Variants in TBC1D22A observed in about 807,000 individuals in gnomAD.
TBC1D22A encodes TBC1 domain family member 22A, also known as putative GTPase activator.
TBC1D22A carries 38 observed loss-of-function variants against 60.2 expected under a neutral mutation model. The ratio of observed to expected loss-of-function variants is 0.63; its 90% confidence interval spans 0.49 to 0.83. The LOEUF is 0.83. Ranked by LOEUF, TBC1D22A falls within the 40% of genes least tolerant of loss-of-function variation. TBC1D22A has a pLI of 0.00. For missense variants in TBC1D22A, 628 were observed against 701.0 expected (o/e 0.90, Z 1.18); for synonymous variants, 302 against 281.7 (o/e 1.07, Z -0.72).
rs115644976 is a variant in TBC1D22A, at chr22:47,158,094, C to A, written c.1426-15404C>A. Among the ~76,000 whole-genome samples, 537 of 152,348 alleles carry A rather than the reference C, an allele frequency of 3.5e-3. 3 individuals carry two copies. The highest frequency in any genetic ancestry group is 0.012 in the African/African-American group (510 of 41,592). ...GGGCGCGTCTCACCCAGCACCACGG[C>A]CTTCCAGGACGCCGCAGCTCCAGGA... On this transcript the variant is annotated intron_variant, in intron 12 of 12. Coordinates refer to ENST00000337137, the MANE Select transcript of TBC1D22A (RefSeq NM_014346.5).
intron 3 of TBC1D22A, among the ~76,000 whole-genome samples, chr22:46,796,540 G>A (rs372453297): frequency 6.6e-6 from 1 of 152,148 alleles, no homozygotes; most frequent in African/African-American, 2.4e-5. Context: ...TTTAGACCCA[G>A]GAGTTTGGAG....
At chr22:47,000,868 T>G (rs2061384308) in intron 10 of TBC1D22A, among the ~76,000 whole-genome samples, 1 of 151,888 alleles carries the variant, frequency 6.6e-6, no homozygotes, top group South Asian at 2.1e-4. Context: ...AATAAATGTC[T>G]TAAAAGCATT....
chr22:46,960,954 C>CAAAAAA (rs397868006), intron 8 of TBC1D22A, among the ~76,000 whole-genome samples: 12 of 47,738 alleles, frequency 2.5e-4, no homozygotes, highest in East Asian at 7.6e-4. Context: ...GACACCATCT[C>CAAAAAA]AAAAAAAAAA....
Position 47,041,689 on chromosome 22 carries a change from G to C in TBC1D22A, c.1329+4491G>C, listed in dbSNP as rs117337750. On this transcript the variant is annotated intron_variant, in intron 11 of 12. Transcript: ENST00000337137. The stretch of plus-strand genomic sequence containing the variant: ...GCATCCCTGGGCGAGCCGAGTTTCC[G>C]ATCCTTGCCTCGAGAGGCTGCTGCT... Among the ~76,000 whole-genome samples the C allele has an allele frequency of 1.5e-3, 229 of 152,340 alleles. 2 individuals carry two copies. Among genetic ancestry groups the C allele is most frequent in the East Asian group, 0.013 (69 of 5,186 alleles).
chr22:46,847,918 GGTGTGTGTGTGT>G (rs58012028), intron 4 of TBC1D22A, among the ~76,000 whole-genome samples: 19 of 134,208 alleles, frequency 1.4e-4, no homozygotes, highest in South Asian at 4.5e-4. Flanking sequence ...TACCCTAGTG[GGTGTGTGTGTGT>G]GTGTGTGTGT....
At position 47,076,041 on chromosome 22, in the gene TBC1D22A, A is replaced by G. The variant is rs151111341; in HGVS notation, c.1330-35467A>G. Among the ~76,000 whole-genome samples, 888 of 152,292 alleles carry G rather than the reference A, an allele frequency of 5.8e-3. 8 individuals are homozygous for G. The highest frequency in any genetic ancestry group is 0.02 in the African/African-American group (842 of 41,560). ...CCTAAGAAGCTTGGCCTTACGGTAT[A>G]TTAGGTAAATGTTGCCAGAATTACA... On this transcript the variant is annotated intron_variant, in intron 11 of 12. Coordinates refer to ENST00000337137, the MANE Select transcript of TBC1D22A (RefSeq NM_014346.5).
chr22:46,940,823 A>AATAT (rs56781447), intron 8 of TBC1D22A, among the ~76,000 whole-genome samples: 12 of 91,100 alleles, frequency 1.3e-4, no homozygotes, highest in Middle Eastern at 6.3e-3. Context: ...GGGGCACTAG[A>AATAT]ATATATATAT....
At chr22:46,851,565 T>C (rs753174655) in intron 4 of TBC1D22A, among the ~76,000 whole-genome samples, 6 of 152,270 alleles carry the variant, frequency 3.9e-5, no homozygotes, top group Admixed American at 1.3e-4. Flanking sequence ...CTTGGCGCTC[T>C]TGCCTGGTCC....
At chr22:47,094,101 G>T (rs896062132) in intron 11 of TBC1D22A, among the ~76,000 whole-genome samples, 2 of 152,182 alleles carry the variant, frequency 1.3e-5, no homozygotes, top group Admixed American at 6.5e-5. Context: ...CTATAAGCTG[G>T]TAGTTTCAGT....
intron 10 of TBC1D22A, among the ~76,000 whole-genome samples, chr22:47,014,149 GC>G (rs2061834171): frequency 6.6e-6 from 1 of 152,208 alleles, no homozygotes; most frequent in Non-Finnish European, 1.5e-5. Flanking sequence ...TCTGATGGGG[GC>G]TCATCAGGTG....
At chr22:46,766,567 G>T (rs187080234) in intron 1 of TBC1D22A, among the ~76,000 whole-genome samples, 1 of 151,694 alleles carries the variant, frequency 6.6e-6, no homozygotes, top group Non-Finnish European at 1.5e-5. Context: ...ATGGAGTCTC[G>T]CTCTGTCGCC....
At chr22:47,142,807 C>T (rs1240216389) in intron 12 of TBC1D22A, among the ~76,000 whole-genome samples, 3 of 113,606 alleles carry the variant, frequency 2.6e-5, no homozygotes, top group Non-Finnish European at 5.5e-5. Flanking sequence ...CACCCACCCA[C>T]TCATCCATCC....
At chr22:47,155,927 A>G (rs1262856507) in intron 12 of TBC1D22A, among the ~76,000 whole-genome samples, 2 of 152,178 alleles carry the variant, frequency 1.3e-5, no homozygotes, top group Non-Finnish European at 2.9e-5. Flanking sequence ...ATAAGGATGA[A>G]CTTTTCATAG....
At chr22:47,081,663 A>G (rs1016066034) in intron 11 of TBC1D22A, among the ~76,000 whole-genome samples, 2 of 152,252 alleles carry the variant, frequency 1.3e-5, no homozygotes, top group Non-Finnish European at 2.9e-5. Context: ...TTAGCAATAA[A>G]CAATTAGAAA....
intron 8 of TBC1D22A, among the ~76,000 whole-genome samples, chr22:46,947,851 CTG>C (rs572514671): frequency 2.6e-5 from 4 of 152,232 alleles, no homozygotes; most frequent in Non-Finnish European, 5.9e-5. Context: ...TCTGAGGATT[CTG>C]TGGCCACCTT....
intron 12 of TBC1D22A, chr22:47,115,988 A>AC (rs1569456078): frequency 6.6e-6 from 1 of 152,206 alleles, no homozygotes; most frequent in East Asian, 1.9e-4. Flanking sequence ...TATCCATTTT[A>AC]CCCCCCAAGT....
chr22:46,943,622 G>T (rs2072319533), intron 8 of TBC1D22A, among the ~76,000 whole-genome samples: 1 of 152,264 alleles, frequency 6.6e-6, no homozygotes, highest in South Asian at 2.1e-4. Flanking sequence ...GGTTTTTAGT[G>T]TCTTCACAGA....
chr22:47,052,119 A>G (rs1341284251), intron 11 of TBC1D22A, among the ~76,000 whole-genome samples: 3 of 152,220 alleles, frequency 2.0e-5, no homozygotes, highest in Non-Finnish European at 4.4e-5. Context: ...GTCACTCTGA[A>G]CATGGGTTCA....
At chr22:46,919,876 C>T (rs751613528) in intron 8 of TBC1D22A, among the ~76,000 whole-genome samples, 14 of 152,020 alleles carry the variant, frequency 9.2e-5, no homozygotes, top group South Asian at 2.1e-4. Context: ...ATAAATTCCC[C>T]GGTGCTGCTG....
Sources: gnomAD v4.1 joint callset for allele counts (sites outside exome capture counted in the v4.1 genomes callset) on GRCh38, gnomAD v4.1.1 for gene constraint, MANE v1.5 for transcripts, NCBI Gene and HGNC (gene_info 2026-07-23, HGNC 2026-07-21) for gene names.